TRDN: variants seen among roughly 807,000 people sequenced by gnomAD.
TRDN encodes the protein triadin, also known as triadin in skeletal muscle.
In TRDN, 161 loss-of-function variants were observed where a neutral mutation model predicts 149.7. The observed-to-expected ratio is 1.08, with a 90% confidence interval of 0.95 to 1.23. The LOEUF (loss-of-function observed/expected upper bound fraction) is 1.23. TRDN is among the 50% of genes most tolerant of loss of function. The probability of loss-of-function intolerance (pLI) is 0.00; values close to 1 mark genes in which losing one functional copy is unlikely to be tolerated. For missense variants in TRDN, 896 were observed against 823.5 expected (o/e 1.09, Z -1.08); for synonymous variants, 294 against 250.5 (o/e 1.17, Z -1.64).
chr6:123,460,301 A>G (rs1776374450), intron 10 of TRDN, among the ~76,000 whole-genome samples: 1 of 152,196 alleles, frequency 6.6e-6, no homozygotes, highest in Non-Finnish European at 1.5e-5. Context: ...GGATACCAAT[A>G]AAGAGCTACC....
chr6:123,630,719 C>T (rs1007424793), intron 1 of TRDN, among the ~76,000 whole-genome samples: 1 of 151,792 alleles, frequency 6.6e-6, no homozygotes, highest in African/African-American at 2.4e-5. Context: ...CAAGAAAAAG[C>T]TTCTTAACGG....
intron 2 of TRDN, among the ~76,000 whole-genome samples, chr6:123,562,408 G>C (rs1782050601): frequency 6.6e-6 from 1 of 152,198 alleles, no homozygotes; most frequent in African/African-American, 2.4e-5. Context: ...CCTGAGGGCA[G>C]AGCCCTCACA....
intron 21 of TRDN, among the ~76,000 whole-genome samples, chr6:123,347,306 G>A (rs2114277651): frequency 6.6e-6 from 1 of 152,028 alleles, no homozygotes; most frequent in Middle Eastern, 3.4e-3. Flanking sequence ...GAAACCACCC[G>A]TCACACACAG....
chr6:123,625,803 G>T (rs1423550828), intron 1 of TRDN, among the ~76,000 whole-genome samples: 1 of 152,146 alleles, frequency 6.6e-6, no homozygotes, highest in Non-Finnish European at 1.5e-5. Flanking sequence ...TGAGCCTTCA[G>T]TGAGTCATAA....
In TRDN at chr6:123,366,336, G is replaced by T. The variant is rs547749783; in HGVS notation, c.1274-154C>A. Among the ~76,000 whole-genome samples, 3 of 152,202 alleles carry T rather than the reference G, an allele frequency of 2.0e-5. No individual in the cohort carries two copies. In the East Asian group the frequency reaches 5.8e-4, roughly 29 times the overall value. On this transcript the variant is annotated intron_variant, in intron 19 of 40. Coordinates refer to ENST00000334268, the MANE Select transcript of TRDN (RefSeq NM_006073.4). ...AAGCCAAAATACAAAGTGCTTATAT[G>T]ATTTTTTCAATTAATAAACTTCCTT...
chr6:123,225,533 C>T (rs866724382), intron 38 of TRDN, among the ~76,000 whole-genome samples: 4 of 86,388 alleles, frequency 4.6e-5, no homozygotes, highest in South Asian at 3.8e-4. Context: ...CACACACACA[C>T]ATACACACAC....
At chr6:123,417,647 G>C (rs146048802) in intron 12 of TRDN, among the ~76,000 whole-genome samples, 29 of 152,192 alleles carry the variant, frequency 1.9e-4, no homozygotes, top group African/African-American at 6.5e-4. Flanking sequence ...GCACAAGCTG[G>C]CATTTAAATG....
At chr6:123,466,330 T>G (rs116793808) in intron 9 of TRDN, among the ~76,000 whole-genome samples, 1 of 152,198 alleles carries the variant, frequency 6.6e-6, no homozygotes, top group Non-Finnish European at 1.5e-5. Flanking sequence ...GTGCCAAGAA[T>G]GATCCAAATG....
chr6:123,600,961 A>C (rs1024132490), intron 1 of TRDN, among the ~76,000 whole-genome samples: 6 of 152,118 alleles, frequency 3.9e-5, no homozygotes, highest in African/African-American at 1.4e-4. Flanking sequence ...TTATCAGTTA[A>C]ATACTGAACA....
intron 4 of TRDN, among the ~76,000 whole-genome samples, chr6:123,545,281 C>T (rs1020824644): frequency 1.3e-5 from 2 of 151,676 alleles, no homozygotes; most frequent in African/African-American, 2.4e-5. Context: ...AGTAAAATAA[C>T]TTATAAGACA....
intron 22 of TRDN, among the ~76,000 whole-genome samples, chr6:123,336,923 G>C (rs952134511): frequency 3.3e-5 from 5 of 151,770 alleles, no homozygotes; most frequent in African/African-American, 1.2e-4. Context: ...ATTCAGAAGA[G>C]AGGGGACTCA....
At chr6:123,533,273 G>A (rs1425506368) in intron 4 of TRDN, among the ~76,000 whole-genome samples, 1 of 152,048 alleles carries the variant, frequency 6.6e-6, no homozygotes, top group African/African-American at 2.4e-5. Context: ...GCATATGTGT[G>A]TATATATACA....
chr6:123,268,210 A>T (rs888881281), intron 31 of TRDN, among the ~76,000 whole-genome samples: 2 of 151,948 alleles, frequency 1.3e-5, no homozygotes, highest in Non-Finnish European at 2.9e-5. Flanking sequence ...CTAGTTTCTT[A>T]TTGAAAATTT....
At chr6:123,440,536 G>A (rs1774819824) in intron 10 of TRDN, among the ~76,000 whole-genome samples, 1 of 152,162 alleles carries the variant, frequency 6.6e-6, no homozygotes, top group Non-Finnish European at 1.5e-5. Flanking sequence ...CAATTGAATA[G>A]CCATTTGCTA....
At chr6:123,611,768 G>GTCAGTGCT (rs1248036746) in intron 1 of TRDN, among the ~76,000 whole-genome samples, 1 of 152,116 alleles carries the variant, frequency 6.6e-6, no homozygotes, top group African/African-American at 2.4e-5. Flanking sequence ...CTGATATTTA[G>GTCAGTGCT]TCAGTAAGCA....
At chr6:123,252,931 G>T (rs143894716) in intron 37 of TRDN, among the ~76,000 whole-genome samples, 5 of 151,900 alleles carry the variant, frequency 3.3e-5, no homozygotes, top group Non-Finnish European at 7.4e-5. Flanking sequence ...AAGAGTTTTG[G>T]CTCAACTATT....
At chr6:123,489,256 T>C (rs1778105405) in intron 9 of TRDN, among the ~76,000 whole-genome samples, 1 of 152,136 alleles carries the variant, frequency 6.6e-6, no homozygotes, top group African/African-American at 2.4e-5. Flanking sequence ...CATGTACATA[T>C]ATATCTTTTA....
rs533816183 is a variant in TRDN, at chr6:123,580,844, C to A, written c.23-9712G>T. Among the ~76,000 whole-genome samples the A allele has an allele frequency of 5.3e-5, 8 of 152,332 alleles. No homozygotes were observed. The South Asian group carries it at 1.0e-3, about 20-fold the overall frequency. ...TTGGTGTTTCCAAGTGGTCCATCCT[C>A]ACAGTTTGCACTTGAAGAAACTCTC... On this transcript the variant is annotated intron_variant, in intron 1 of 40. Transcript: ENST00000334268.
At chr6:123,491,549 T>A (rs1028016142) in intron 9 of TRDN, among the ~76,000 whole-genome samples, 4 of 152,346 alleles carry the variant, frequency 2.6e-5, no homozygotes, top group Admixed American at 6.5e-5. Flanking sequence ...TAATTTTTTT[T>A]AATAATTAAA....
Sources: gnomAD v4.1 joint callset for allele counts (sites outside exome capture counted in the v4.1 genomes callset) on GRCh38, gnomAD v4.1.1 for gene constraint, MANE v1.5 for transcripts, NCBI Gene and HGNC (gene_info 2026-07-23, HGNC 2026-07-21) for gene names.